CALN1: variants seen among roughly 807,000 people sequenced by gnomAD.
CALN1 encodes calcium-binding protein 8.
CALN1 carries 17 observed loss-of-function variants against 30.6 expected under a neutral mutation model. The ratio of observed to expected loss-of-function variants is 0.56; its 90% CI spans 0.38 to 0.83. CALN1 has a LOEUF of 0.83. CALN1 is among the 40% of genes least tolerant of loss of function. CALN1 has a pLI of 0.00. For synonymous variants in CALN1, 156 were observed against 131.4 expected (o/e 1.19, Z -1.28); for missense variants, 291 against 354.9 (o/e 0.82, Z 1.45).
Position 71,786,773 on chromosome 7 carries a change from T to C in CALN1, c.*1002A>G, listed in dbSNP as rs1432072777. 6.6e-6 allele frequency: 1 copy of C among 152,142 alleles called. No individual in the cohort carries two copies. The highest frequency in any genetic ancestry group is 1.5e-5 in the Non-Finnish European group (1 of 68,026). The allele number at this position is 152,142 out of a possible 1,614,324, so 9.4% of individuals were successfully genotyped here. A position where few individuals can be genotyped will look rare whatever the true frequency, so the allele number is the denominator to read the frequency against. On this transcript the variant is annotated 3_prime_UTR_variant, in exon 7 of 7. Coordinates refer to ENST00000395275, the MANE Select transcript of CALN1 (RefSeq NM_031468.4). ...AAGGTCATCCGGCATAGAGACGTGG[T>C]GGGTCTCCATGACTCCAGATGGCTG...
At chr7:71,872,411 T>C (rs569564327) in intron 5 of CALN1, among the ~76,000 whole-genome samples, 1 of 152,304 alleles carries the variant, frequency 6.6e-6, no homozygotes, top group East Asian at 1.9e-4. Context: ...AGTACCAGAA[T>C]GTATTGTTTC....
chr7:71,930,918 A>T (rs1795517223), intron 5 of CALN1, among the ~76,000 whole-genome samples: 1 of 152,138 alleles, frequency 6.6e-6, no homozygotes, highest in Non-Finnish European at 1.5e-5. Context: ...TCTAATTTAG[A>T]TGTCCCTTTT....
At chr7:72,346,457 TTC>T (rs1159067910) in intron 2 of CALN1, among the ~76,000 whole-genome samples, 1 of 152,170 alleles carries the variant, frequency 6.6e-6, no homozygotes, top group Non-Finnish European at 1.5e-5. Flanking sequence ...CACACATACA[TTC>T]TGTCCTGATT....
At chr7:72,240,160 T>A (rs1215206076) in intron 3 of CALN1, among the ~76,000 whole-genome samples, 1 of 151,748 alleles carries the variant, frequency 6.6e-6, no homozygotes, top group Non-Finnish European at 1.5e-5. Context: ...GATCCACCAG[T>A]CCTATAGTTC....
chr7:71,920,556 T>C (rs1250521611), intron 5 of CALN1, among the ~76,000 whole-genome samples: 3 of 151,968 alleles, frequency 2.0e-5, no homozygotes, highest in Non-Finnish European at 2.9e-5. Flanking sequence ...AGGATGGTCT[T>C]GATCTCCTGA....
chr7:72,386,533 C>T (rs140708387), intron 2 of CALN1, among the ~76,000 whole-genome samples: 7 of 152,282 alleles, frequency 4.6e-5, no homozygotes, highest in Middle Eastern at 3.4e-3. Flanking sequence ...TGGTAGGAGC[C>T]AGATTGCAGT....
the CALN1 span, among the ~76,000 whole-genome samples, chr7:72,493,553 G>A: frequency 3.3e-5 from 5 of 152,162 alleles, no homozygotes; most frequent in South Asian, 1.0e-3. Flanking sequence ...TGGCCAAGCT[G>A]GTCTCGAAAT....
At chr7:71,912,872 C>T (rs930720236) in intron 5 of CALN1, among the ~76,000 whole-genome samples, 4 of 152,024 alleles carry the variant, frequency 2.6e-5, no homozygotes, top group African/African-American at 7.3e-5. Flanking sequence ...TAAAAACAAT[C>T]CATAAATGAG....
intron 2 of CALN1, among the ~76,000 whole-genome samples, chr7:72,384,804 A>G (rs558105581): frequency 9.2e-5 from 14 of 152,302 alleles, no homozygotes; most frequent in Admixed American, 2.0e-4. Flanking sequence ...GAAAGAAAAA[A>G]AAATTACTAG....
intron 2 of CALN1, among the ~76,000 whole-genome samples, chr7:72,289,632 A>G (rs925527329): frequency 6.6e-6 from 1 of 152,156 alleles, no homozygotes; most frequent in Non-Finnish European, 1.5e-5. Context: ...ATACCAGCAT[A>G]CCACCATGAA....
upstream of CALN1, among the ~76,000 whole-genome samples, chr7:72,413,049 A>AC (rs1448451611): frequency 2.0e-5 from 3 of 152,128 alleles, no homozygotes; most frequent in East Asian, 3.9e-4. Context: ...ACCTGGGCTC[A>AC]CCCGGGGGGT....
intron 5 of CALN1, among the ~76,000 whole-genome samples, chr7:72,006,188 A>C (rs1799764288): frequency 6.6e-6 from 1 of 152,212 alleles, no homozygotes; most frequent in African/African-American, 2.4e-5. Context: ...GTAAATGGGG[A>C]AAGTAAATAT....
chr7:71,901,349 C>T (rs1024320818), intron 5 of CALN1, among the ~76,000 whole-genome samples: 1 of 147,084 alleles, frequency 6.8e-6, no homozygotes, highest in Non-Finnish European at 1.5e-5. Context: ...TCCACAGATT[C>T]AATACAATCC....
chr7:72,030,987 G>A (rs73368187), intron 4 of CALN1, among the ~76,000 whole-genome samples: 5,125 of 152,118 alleles, frequency 0.034, 306 homozygotes, highest in African/African-American at 0.12. Flanking sequence ...ACCTGCCACC[G>A]CCTCCCAAAG....
rs139196726 is a variant in CALN1, at chr7:72,353,481, A to G, written c.119+49770T>C. Among the ~76,000 whole-genome samples, 466 of 152,290 alleles carry G rather than the reference A, an allele frequency of 3.1e-3. 1 individual carries two copies. The highest frequency in any genetic ancestry group is 0.011 in the African/African-American group (449 of 41,564). On this transcript the variant is annotated intron_variant, in intron 2 of 6. Coordinates refer to ENST00000395275, the MANE Select transcript of CALN1 (RefSeq NM_031468.4). ...CCTATTTATAGAAGAAAAAATTACA[A>G]TCATCCTAATGCATTCATGAAGAGT... is the stretch of plus-strand genomic sequence containing the variant.
At chr7:72,256,199 C>A (rs754555417) in intron 3 of CALN1, among the ~76,000 whole-genome samples, 1 of 152,146 alleles carries the variant, frequency 6.6e-6, no homozygotes, top group African/African-American at 2.4e-5. Context: ...TGGCTCACAC[C>A]TATGATCCCA....
At chr7:72,405,300 A>G (rs889320323) in intron 1 of CALN1, among the ~76,000 whole-genome samples, 2 of 152,178 alleles carry the variant, frequency 1.3e-5, no homozygotes, top group Non-Finnish European at 2.9e-5. Flanking sequence ...ACACACACAC[A>G]ACAGCACTGG....
chr7:72,466,266 C>T, the CALN1 span, among the ~76,000 whole-genome samples: 1 of 152,012 alleles, frequency 6.6e-6, no homozygotes, highest in Non-Finnish European at 1.5e-5. Context: ...TGTACACACA[C>T]ACAGGTGTGA....
At chr7:72,055,315 T>C (rs911043213) in intron 4 of CALN1, among the ~76,000 whole-genome samples, 2 of 152,022 alleles carry the variant, frequency 1.3e-5, no homozygotes, top group Non-Finnish European at 2.9e-5. Flanking sequence ...CTGGTAAAGA[T>C]TAACAGAGGC....
Sources: gnomAD v4.1 joint callset for allele counts (sites outside exome capture counted in the v4.1 genomes callset) on GRCh38, gnomAD v4.1.1 for gene constraint, MANE v1.5 for transcripts, NCBI Gene and HGNC (gene_info 2026-07-23, HGNC 2026-07-21) for gene names.